CD70: variants seen among roughly 807,000 people sequenced by gnomAD.
The protein encoded by CD70 is CD70 antigen.
CD70 carries 6 observed loss-of-function variants against 9.0 expected under a neutral mutation model. That is an observed-to-expected ratio of 0.67 (90% CI 0.37 to 1.32). The LOEUF (loss-of-function observed/expected upper bound fraction) is 1.32, where lower values mean the gene tolerates loss of function less well. Ranked by LOEUF, CD70 falls within the 40% of genes most tolerant of loss-of-function variation. The probability of loss-of-function intolerance (pLI) is 0.02; values close to 1 mark genes in which losing one functional copy is unlikely to be tolerated. For synonymous variants in CD70, 108 were observed against 112.3 expected, an observed-to-expected ratio of 0.96 and a Z score of 0.24; for missense variants, 235 against 258.7, an observed-to-expected ratio of 0.91 and a Z score of 0.63.
chr19:6,583,463 CA>C, downstream of CD70: 1 of 645,218 alleles, frequency 1.5e-6, no homozygotes. Flanking sequence ...TCCCCAGTTC[CA>C]AAATCCAAAA....
In CD70 at chr19:6,590,901, G is replaced by C; in HGVS notation, c.102C>G (p.Leu34=). The C allele has an allele frequency of 9.3e-6, 15 of 1,614,104 alleles. No individual in the cohort carries two copies. The highest frequency in any genetic ancestry group is 1.2e-5 in the Non-Finnish European group (14 of 1,180,014). Residue 34 remains leucine, a synonymous_variant, in exon 1 of 3, where the codon CTC becomes CTG. Coordinates refer to ENST00000245903, the MANE Select transcript of CD70 (RefSeq NM_001252.5). The surrounding 1 kb of genome is among the most constrained non-coding windows in gnomAD (Gnocchi z 5.3). ...VPLVAGLVIC[L]VVCIQRFAQA... is the part of the protein sequence containing the mutation. ...GTGCGAAGCGCTGGATGCACACCAC[G>C]AGGCAGATCACCAAGCCCGCGACCA...
Position 6,586,244 on chromosome 19 carries a change from C to A in CD70, c.358G>T (p.Ala120Ser), listed in dbSNP as rs1283601162. 2.5e-6 allele frequency: 4 copies of A among 1,613,874 alleles called. No individual in the cohort carries two copies. The South Asian group carries it at 4.4e-5, about 18-fold the overall frequency. ...VTLAICSSTT[A>S]SRHHPTTLAV... is the part of the protein sequence containing the mutation. ...AGGGTGGTGGGGTGGTGCCTGGAGGCCGTCGTGGAGGAGCAGATGGCCAGC... is the reference window on the plus strand; with the variant it reads ...AGGGTGGTGGGGTGGTGCCTGGAGGACGTCGTGGAGGAGCAGATGGCCAGC... Residue 120 changes from alanine (A) to serine (S), a missense_variant, in exon 3 of 3, where the codon GCC (alanine) becomes TCC (serine). Transcript: ENST00000245903.
In CD70 at chr19:6,590,810, T is replaced by C. The variant is rs1490735099; in HGVS notation, c.162+31A>G. 1.3e-6 allele frequency: 2 copies of C among 1,594,406 alleles called. No homozygotes were observed. Among genetic ancestry groups the C allele is most frequent in the African/African-American group, 2.7e-5 (2 of 74,592 alleles). On this transcript the variant is annotated intron_variant, in intron 1 of 2. Coordinates refer to ENST00000245903, the MANE Select transcript of CD70 (RefSeq NM_001252.5). The surrounding 1 kb of genome is among the most constrained non-coding windows in gnomAD (Gnocchi z 5.3). ...CTTTTCGGTCACGCGCCTCTCTATG[T>C]TTTCTTCCCAACTTTTCCATCTCAA...
intron 2 of CD70, 57 bp from the exon 3 acceptor site, chr19:6,586,462 A>G: frequency 2.0e-6 from 3 of 1,505,730 alleles, no homozygotes; most frequent in East Asian, 2.3e-5. Flanking sequence ...ACTGAGGCAC[A>G]GGGGGTCATA....
At position 6,586,269 on chromosome 19, in the gene CD70, C is replaced by T. The variant is rs566891129; in HGVS notation, c.333G>A (p.Thr111=). ...DGIYMVHIQV[T]LAICSSTTAS... is the part of the protein sequence containing the mutation. The stretch of plus-strand genomic sequence containing the variant: ...CCGTCGTGGAGGAGCAGATGGCCAG[C>T]GTCACCTGGATGTGTACCATGTAGA... Residue 111 remains threonine (T), a synonymous_variant, in exon 3 of 3, where the codon ACG becomes ACA. Transcript: ENST00000245903. 1.5e-5 allele frequency: 25 copies of T among 1,613,916 alleles called. No individual in the cohort carries two copies. In the South Asian group the frequency reaches 1.6e-4, roughly 11 times the overall value.
rs1381834753 is a variant in CD70, at chr19:6,591,073, A to G, written c.-71T>C. On this transcript the variant is annotated 5_prime_UTR_variant, in exon 1 of 3. Coordinates refer to ENST00000245903, the MANE Select transcript of CD70 (RefSeq NM_001252.5). The stretch of plus-strand genomic sequence containing the variant: ...GCGGAGCGCTGCCGAGAAGGAAGGA[A>G]GGAAACTGCAGCCCCCTCCCGGGGC... 6.7e-7 allele frequency: 1 copy of G among 1,481,798 alleles called. No homozygotes were observed. Among genetic ancestry groups the G allele is most frequent in the Non-Finnish European group, 9.0e-7 (1 of 1,111,880 alleles). 91.8% of individuals were successfully genotyped at this position (1,481,798 alleles called of 1,614,324 possible).
chr19:6,584,584 A>G (rs1568430632), downstream of CD70, among the ~76,000 whole-genome samples: 1 of 151,364 alleles, frequency 6.6e-6, no homozygotes, highest in Non-Finnish European at 1.5e-5. Context: ...TTTGAGGTCC[A>G]GGCAGTGGCT....
downstream of CD70, among the ~76,000 whole-genome samples, chr19:6,584,211 A>G (rs1915973159): frequency 6.6e-6 from 1 of 150,922 alleles, no homozygotes; most frequent in Non-Finnish European, 1.5e-5. Flanking sequence ...GAGGTGATGC[A>G]TAAAAGATGG....
At position 6,585,937 on chromosome 19, in the gene CD70, G is replaced by A. The variant is rs1458979670; in HGVS notation, c.*83C>T. On this transcript the variant is annotated 3_prime_UTR_variant, in exon 3 of 3. Coordinates refer to ENST00000245903, the MANE Select transcript of CD70 (RefSeq NM_001252.5). ...CCCACCACACTCCCACCCCAACCCC[G>A]GGTGGCCCCTGTGTGTACACTTTTT... 8.6e-6 allele frequency: 9 copies of A among 1,049,640 alleles called. No homozygotes were observed. The highest frequency in any genetic ancestry group is 5.4e-5 in the Admixed American group (2 of 37,034). 65.0% of individuals were successfully genotyped at this position (1,049,640 alleles called of 1,614,324 possible). A position where few individuals can be genotyped will look rare whatever the true frequency, so the allele number is the denominator to read the frequency against.
downstream of CD70, among the ~76,000 whole-genome samples, chr19:6,583,760 T>C (rs546123347): frequency 1.3e-5 from 2 of 149,708 alleles, no homozygotes; most frequent in Non-Finnish European, 3.0e-5. Context: ...GGTTTCACCA[T>C]GTTAGCCAGA....
chr19:6,586,165 C>A lies in CD70; in HGVS notation c.437G>T (p.Ser146Ile), dbSNP rs140617941. ...GGCAATGGTACAACCTTGGTGGAAG[C>A]TGAGACGCAGCAGGCTGATGCTACG... Reference protein sequence around the residue: ...ASRSISLLRLSFHQGCTIASQ... With the variant: ...ASRSISLLRLIFHQGCTIASQ... The change falls in exon 3 of 3, where the codon AGC becomes ATC. Residue 146 changes from serine to isoleucine, a missense_variant. Ser to Ile is a moderately radical substitution (Grantham distance 142, BLOSUM62 -2). Coordinates refer to ENST00000245903, the MANE Select transcript of CD70 (RefSeq NM_001252.5). The A allele has an allele frequency of 4.8e-4, 770 of 1,614,138 alleles. 1 individual carries two copies. The highest frequency in any genetic ancestry group is 6.1e-4 in the Non-Finnish European group (716 of 1,180,040).
In CD70 at chr19:6,586,411, G is replaced by T. The variant is rs768721431; in HGVS notation, c.197-6C>A. The stretch of plus-strand genomic sequence containing the variant: ...CCTGGGGTCCTGCTGAGGTCCTGGG[G>T]GCACAGGGTTAGAGGGATGAGAGGA... On this transcript the variant is annotated splice_polypyrimidine_tract_variant and splice_region_variant and intron_variant, in intron 2 of 2. Coordinates refer to ENST00000245903, the MANE Select transcript of CD70 (RefSeq NM_001252.5). 1 of 1,603,588 alleles carries T rather than the reference G, an allele frequency of 6.2e-7. No homozygotes were observed. The highest frequency in any genetic ancestry group is 1.7e-5 in the Admixed American group (1 of 59,600).
At chr19:6,583,411 T>G, downstream of CD70, 1 of 700,578 alleles carries the variant, frequency 1.4e-6, no homozygotes, top group Non-Finnish European at 2.6e-6. Context: ...TAAAACAGTG[T>G]GCAGTCCATA....
Position 6,588,721 on chromosome 19 carries a change from C to T in CD70, c.196+1382G>A, listed in dbSNP as rs576761062. Among the ~76,000 whole-genome samples the T allele has an allele frequency of 4.6e-5, 7 of 152,284 alleles. No individual in the cohort carries two copies. The South Asian group carries it at 1.5e-3, about 32-fold the overall frequency. ...GCATGCCCGGATTCCCCACCCACCT[C>T]CTTGCCTGATTTTTTCTCTAAAACC... On this transcript the variant is annotated intron_variant, in intron 2 of 2. Coordinates refer to ENST00000245903, the MANE Select transcript of CD70 (RefSeq NM_001252.5).
intron 2 of CD70, among the ~76,000 whole-genome samples, chr19:6,587,573 C>T (rs76696740): frequency 0.019 from 2,862 of 152,158 alleles, 99 homozygotes; most frequent in African/African-American, 0.064. Flanking sequence ...CCCCAAGGGA[C>T]GCCTGCTCGG....
Position 6,585,987 on chromosome 19 carries a change from T to TA in CD70, c.*32dup. 1 of 1,493,570 alleles carries TA rather than the reference T, an allele frequency of 6.7e-7. No homozygotes were observed. Among genetic ancestry groups the TA allele is most frequent in the Non-Finnish European group, 9.0e-7 (1 of 1,114,674 alleles). The allele number at this position is 1,493,570 out of a possible 1,614,324, so 92.5% of individuals were successfully genotyped here. A position where few individuals can be genotyped will look rare whatever the true frequency, so the allele number is the denominator to read the frequency against. ...TCTCTTGAACTTAAATAAAATAAAA[T>TA]AAAATTTAAAAAACCCTAATCAGCA... On this transcript the variant is annotated 3_prime_UTR_variant, in exon 3 of 3. Transcript: ENST00000245903.
chr19:6,591,106 C>T lies in CD70; in HGVS notation c.-104G>A. The T allele has an allele frequency of 4.7e-6, 6 of 1,269,614 alleles. No homozygotes were observed. The highest frequency in any genetic ancestry group is 6.3e-6 in the Non-Finnish European group (6 of 948,414). 78.6% of individuals were successfully genotyped at this position (1,269,614 alleles called of 1,614,324 possible). The stretch of plus-strand genomic sequence containing the variant: ...GCAGCCCCCTCCCGGGGCTCCTGGG[C>T]GTCTACTTGCTTCAACCTGTCAGGG... On this transcript the variant is annotated 5_prime_UTR_variant, in exon 1 of 3. Coordinates refer to ENST00000245903, the MANE Select transcript of CD70 (RefSeq NM_001252.5).
At chr19:6,586,491 G>A in intron 2 of CD70, 86 bp from the exon 3 acceptor site, 1 of 1,370,222 alleles carries the variant, frequency 7.3e-7, no homozygotes, top group Non-Finnish European at 9.8e-7. Context: ...CAGATATAGA[G>A]ATCGAGAGTT....
chr19:6,586,944 A>C (rs1454656596), intron 2 of CD70, among the ~76,000 whole-genome samples: 1 of 149,706 alleles, frequency 6.7e-6, no homozygotes, highest in Admixed American at 6.7e-5. Flanking sequence ...AAGGGTAAAG[A>C]TAGAGGGGGA....
Sources: gnomAD v4.1 joint callset for allele counts (sites outside exome capture counted in the v4.1 genomes callset) on GRCh38, gnomAD v4.1.1 for gene constraint, Gnocchi (gnomAD v3.1) non-coding constraint, MANE v1.5 for transcripts, NCBI Gene and HGNC (gene_info 2026-07-23, HGNC 2026-07-21) for gene names.